Variants in MYOCOS observed in about 807,000 individuals in gnomAD.
The protein encoded by MYOCOS is myocilin opposite strand protein.
chr1:171,618,895 C>T (rs1375137393), upstream of MYOCOS, among the ~76,000 whole-genome samples: 2 of 151,972 alleles, frequency 1.3e-5, no homozygotes, highest in African/African-American at 4.8e-5. Context: ...CCTTTTTTGC[C>T]ATGAGTATCC....
chr1:171,610,904 C>T (rs1180493963), intron 1 of MYOCOS, among the ~76,000 whole-genome samples: 2 of 152,236 alleles, frequency 1.3e-5, no homozygotes, highest in African/African-American at 2.4e-5. Flanking sequence ...ATTTTATATA[C>T]AATACATGTC....
intron 1 of MYOCOS, among the ~76,000 whole-genome samples, chr1:171,623,097 C>CTA (rs921850066): frequency 3.9e-5 from 6 of 152,054 alleles, no homozygotes; most frequent in Admixed American, 3.3e-4. Flanking sequence ...GGCATGGTGG[C>CTA]ATGCACCTGT....
intron 2 of MYOCOS, among the ~76,000 whole-genome samples, chr1:171,625,281 A>T (rs1257356575): frequency 6.6e-6 from 1 of 152,134 alleles, no homozygotes; most frequent in African/African-American, 2.4e-5. Flanking sequence ...CCACCAAACA[A>T]TTCCCTTCCC....
chr1:171,625,631 G>A (rs1652678698), intron 2 of MYOCOS, among the ~76,000 whole-genome samples: 2 of 152,184 alleles, frequency 1.3e-5, no homozygotes, highest in South Asian at 2.1e-4. Flanking sequence ...GGGAGACTCT[G>A]GTATACTCCA....
At chr1:171,622,651 C>A (rs57118325) in intron 1 of MYOCOS, among the ~76,000 whole-genome samples, 13,357 of 151,420 alleles carry the variant, frequency 0.088, 631 homozygotes, top group East Asian at 0.19. Flanking sequence ...ATCAAGCTGG[C>A]GAGCTCTGGC....
chr1:171,613,574 G>C (rs1572203387), intron 1 of MYOCOS, among the ~76,000 whole-genome samples: 1 of 151,978 alleles, frequency 6.6e-6, no homozygotes, highest in East Asian at 1.9e-4. Flanking sequence ...GCAAGACAGG[G>C]TCTTGCTCTG....
chr1:171,609,312 T>C lies in MYOCOS; in HGVS notation c.-251-5486T>C, dbSNP rs192723150. On this transcript the variant is annotated intron_variant, in intron 1 of 3. Coordinates refer to the MYOCOS transcript ENST00000636697. ...ATTCTTCCTTGGCCCTATCTCCTCC[T>C]TGAGACTAGAGTCAAGTATCCCTGC... Among the ~76,000 whole-genome samples, 529 of 152,372 alleles carry C rather than the reference T, an allele frequency of 3.5e-3. 13 individuals are homozygous for C. The South Asian group carries it at 0.045, about 13-fold the overall frequency.
At position 171,613,320 on chromosome 1, in the gene MYOCOS, CAT is replaced by C. The variant is rs1174941843; in HGVS notation, c.-251-1477_-251-1476del. Among the ~76,000 whole-genome samples the C allele has an allele frequency of 3.9e-5, 6 of 152,270 alleles. No homozygotes were observed. In the East Asian group the frequency reaches 1.2e-3, roughly 29 times the overall value. ...GCACAAAGGGAGGTCCCAAGGAAAA[CAT>C]GTGTTGCCTTACAAGGTAGAAGCCT... On this transcript the variant is annotated intron_variant, in intron 1 of 3. Coordinates refer to the MYOCOS transcript ENST00000636697.
At chr1:171,621,120 T>C (rs57155914), upstream of MYOCOS, among the ~76,000 whole-genome samples, 387 of 152,174 alleles carry the variant, frequency 2.5e-3, 1 homozygote, top group African/African-American at 9.0e-3. Context: ...CTCTCTAAAA[T>C]GTATAAAACC....
intron 1 of MYOCOS, among the ~76,000 whole-genome samples, chr1:171,606,647 C>A (rs1000880550): frequency 2.0e-5 from 3 of 152,226 alleles, no homozygotes; most frequent in Non-Finnish European, 4.4e-5. Context: ...ATTGCTCAAT[C>A]AATCACGACC....
intron 1 of MYOCOS, among the ~76,000 whole-genome samples, chr1:171,612,102 C>T (rs546786370): frequency 3.3e-5 from 5 of 151,308 alleles, no homozygotes; most frequent in African/African-American, 9.7e-5. Context: ...GATGGAGTCT[C>T]GTTCTATAGC....
intron 2 of MYOCOS, among the ~76,000 whole-genome samples, chr1:171,615,546 C>CA (rs1243570124): frequency 2.6e-5 from 4 of 152,176 alleles, no homozygotes; most frequent in African/African-American, 9.7e-5. Context: ...TGAAACCAGG[C>CA]CTGGGCCTGC....
chr1:171,617,936 G>GGAGACA (rs1652480221), upstream of MYOCOS, among the ~76,000 whole-genome samples: 1 of 152,222 alleles, frequency 6.6e-6, no homozygotes, highest in South Asian at 2.1e-4. Context: ...TAAGGTGAGA[G>GGAGACA]GAGACAGAGA....
chr1:171,618,614 C>T (rs910744321), upstream of MYOCOS, among the ~76,000 whole-genome samples: 4 of 152,070 alleles, frequency 2.6e-5, no homozygotes, highest in Admixed American at 2.0e-4. Context: ...CTTGCTCTGT[C>T]ACCCAGGCTG....
chr1:171,608,051 C>T (rs1037596821), intron 1 of MYOCOS, among the ~76,000 whole-genome samples: 5 of 152,196 alleles, frequency 3.3e-5, no homozygotes, highest in Admixed American at 1.3e-4. Context: ...GAGACTTATT[C>T]GCTACCACGA....
chr1:171,607,179 ATCTTCC>A (rs1293288251), intron 1 of MYOCOS, among the ~76,000 whole-genome samples: 3 of 151,738 alleles, frequency 2.0e-5, no homozygotes, highest in African/African-American at 7.3e-5. Flanking sequence ...AGATGATTCT[ATCTTCC>A]TTGCAGAGTT....
intron 2 of MYOCOS, among the ~76,000 whole-genome samples, chr1:171,625,608 C>T (rs7534097): frequency 6.6e-6 from 1 of 152,118 alleles, no homozygotes; most frequent in Non-Finnish European, 1.5e-5. Context: ...TTTGCCCAGC[C>T]CTGAGGAGGA....
rs369111044 is a variant in MYOCOS, at chr1:171,616,540, C to CAAAT, written c.-44+1546_-44+1549dup. Among the ~76,000 whole-genome samples, 444 of 152,048 alleles carry CAAAT rather than the reference C, an allele frequency of 2.9e-3. 1 individual carries two copies. The highest frequency in any genetic ancestry group is 0.01 in the African/African-American group (429 of 41,442). ...TGGGTGACAGAGTGAGACTCTGTCT[C>CAAAT]AAATAAATAAATAACAACAACAACA... On this transcript the variant is annotated intron_variant, in intron 2 of 3. Transcript: ENST00000636697.
At position 171,626,801 on chromosome 1, in the gene MYOCOS, A is replaced by G. The variant is rs1257405889; in HGVS notation, c.*200A>G. ...TGGTTTTTTAATCCAAGTCTCTGAT[A>G]TGATATGCATATATTTTGATCTTTA... On this transcript the variant is annotated 3_prime_UTR_variant, in exon 3 of 3. Transcript: ENST00000637642. The G allele has an allele frequency of 2.6e-5, 10 of 385,154 alleles. No individual in the cohort carries two copies. Among genetic ancestry groups the G allele is most frequent in the African/African-American group, 2.1e-5 (1 of 48,442 alleles). 23.9% of individuals were successfully genotyped at this position (385,154 alleles called of 1,614,324 possible).
Sources: gnomAD v4.1 joint callset for allele counts (sites outside exome capture counted in the v4.1 genomes callset) on GRCh38, gnomAD v4.1.1 for gene constraint, MANE v1.5 for transcripts, NCBI Gene and HGNC (gene_info 2026-07-23, HGNC 2026-07-21) for gene names.